Variants in ADORA1 observed in about 807,000 individuals in gnomAD.
The protein encoded by ADORA1 is adenosine A1 receptor.
A neutral mutation model predicts 19.9 loss-of-function variants in ADORA1; 6 were observed. The observed-to-expected ratio is 0.30, with a 90% CI of 0.17 to 0.59. The LOEUF is 0.59. Ranked by LOEUF, ADORA1 falls within the 20% of genes least tolerant of loss-of-function variation. ADORA1 has a pLI of 0.87. For synonymous variants in ADORA1, 194 were observed against 188.4 expected (o/e 1.03, Z -0.24); for missense variants, 302 against 439.2 (o/e 0.69, Z 2.79).
intron 3 of ADORA1, among the ~76,000 whole-genome samples, chr1:203,157,933 C>T (rs945880494): frequency 1.3e-5 from 2 of 152,242 alleles, no homozygotes; most frequent in Admixed American, 1.3e-4. Context: ...AGGTCCTCAG[C>T]TGCCTTGAAG....
intron 3 of ADORA1, among the ~76,000 whole-genome samples, chr1:203,163,694 G>A (rs1035278040): frequency 3.3e-5 from 5 of 152,128 alleles, no homozygotes; most frequent in Non-Finnish European, 7.4e-5. Context: ...GGGGCATCTG[G>A]TTCCTCCCAC....
chr1:203,164,801 A>G (rs775809957), intron 3 of ADORA1, among the ~76,000 whole-genome samples: 2 of 152,196 alleles, frequency 1.3e-5, no homozygotes, highest in Non-Finnish European at 2.9e-5. Flanking sequence ...GCCACCTTCC[A>G]TGTGGCCTTG....
rs376266432 is a variant in ADORA1 at position 203,150,968 on chromosome 1, A to G, written c.342-14293A>G. 1.1e-3 allele frequency among the ~76,000 whole-genome samples: 169 copies of G among 152,264 alleles called. 1 individual carries two copies. The highest frequency in any genetic ancestry group is 3.7e-3 in the African/African-American group (153 of 41,544). ...AAGAGGCACCTCCTCTTGTCACTCC[A>G]GACTGTCAGCAGGCATCCAACCTGC... On this transcript the variant is annotated intron_variant, in intron 3 of 3. Transcript: ENST00000337894.
At chr1:203,140,092 C>A (rs757604297) in intron 3 of ADORA1, among the ~76,000 whole-genome samples, 7 of 152,178 alleles carry the variant, frequency 4.6e-5, no homozygotes, top group Non-Finnish European at 1.5e-5. Context: ...CGAAAGGGTT[C>A]ATTCCATCTA....
intron 3 of ADORA1, among the ~76,000 whole-genome samples, chr1:203,151,868 C>T (rs1028212052): frequency 2.0e-5 from 3 of 152,160 alleles, no homozygotes; most frequent in African/African-American, 7.2e-5. Context: ...ATCTTGCCCC[C>T]CATCTTCCTC....
intron 3 of ADORA1, among the ~76,000 whole-genome samples, chr1:203,130,185 A>T (rs1654287319): frequency 6.6e-6 from 1 of 152,224 alleles, no homozygotes; most frequent in Non-Finnish European, 1.5e-5. Context: ...TCTGGGATGT[A>T]GGGCCTCTGA....
At position 203,155,071 on chromosome 1, in the gene ADORA1, G is replaced by A. The variant is rs530169603; in HGVS notation, c.342-10190G>A. Among the ~76,000 whole-genome samples the A allele has an allele frequency of 3.8e-4, 56 of 148,312 alleles. No individual in the cohort carries two copies. The East Asian group carries it at 7.4e-3, about 20-fold the overall frequency. On this transcript the variant is annotated intron_variant, in intron 3 of 3. Transcript: ENST00000337894. ...ATTATTATTATTGTTATTTTGAGAC[G>A]GAGTCTCGCTCTGTCACCCAGGCTG...
At chr1:203,152,329 C>T (rs1454565072) in intron 3 of ADORA1, among the ~76,000 whole-genome samples, 1 of 152,238 alleles carries the variant, frequency 6.6e-6, no homozygotes, top group Non-Finnish European at 1.5e-5. Context: ...CTGGCTCCCT[C>T]CTGCCTGGGC....
Position 203,128,206 on chromosome 1 carries a change from C to A in ADORA1, c.-212-72C>A. The A allele has an allele frequency of 1.4e-6, 1 of 703,978 alleles. No individual in the cohort carries two copies. The highest frequency in any genetic ancestry group is 2.0e-6 in the Non-Finnish European group (1 of 496,826). 43.6% of individuals were successfully genotyped at this position (703,978 alleles called of 1,614,324 possible). On this transcript the variant is annotated intron_variant, in intron 1 of 3. Coordinates refer to ENST00000337894, the MANE Select transcript of ADORA1 (RefSeq NM_000674.3). This position sits in a 1 kb window ranked among gnomAD's most constrained non-coding sequence, Gnocchi z 5.9. Reference sequence around the variant, plus strand: ...ACGTCTGCCACCCCAGTCCCAGGTGCGAAACAGGGGCGCTACCTCTTTAAA... The same window carrying A: ...ACGTCTGCCACCCCAGTCCCAGGTGAGAAACAGGGGCGCTACCTCTTTAAA...
chr1:203,154,104 T>G (rs1655120193), intron 3 of ADORA1, among the ~76,000 whole-genome samples: 1 of 152,010 alleles, frequency 6.6e-6, no homozygotes, highest in South Asian at 2.1e-4. Flanking sequence ...GAGGAGCAGG[T>G]GATGAGAAAC....
rs1236554310 is a variant in ADORA1 at position 203,165,471 on chromosome 1, C to T, written c.552C>T (p.Asn184=). The T allele has an allele frequency of 1.2e-6, 2 of 1,613,500 alleles. No individual in the cohort carries two copies. The highest frequency in any genetic ancestry group is 1.7e-5 in the Admixed American group (1 of 59,946). The change falls in exon 4 of 4, where the codon AAC becomes AAT. Residue 184 remains asparagine (N), a synonymous_variant. Coordinates refer to ENST00000337894, the MANE Select transcript of ADORA1 (RefSeq NM_000674.3). This position sits in a 1 kb window ranked among gnomAD's most constrained non-coding sequence, Gnocchi z 5.9. ...GCATGGAGTACATGGTCTACTTCAA[C>T]TTCTTTGTGTGGGTGCTGCCCCCGC... The part of the protein sequence containing the change: ...VISMEYMVYF[N]FFVWVLPPLL...
chr1:203,143,559 T>TGTGTG (rs34636136), intron 3 of ADORA1, among the ~76,000 whole-genome samples: 21 of 151,024 alleles, frequency 1.4e-4, no homozygotes, highest in South Asian at 6.5e-4. Context: ...GTGTGTGTGT[T>TGTGTG]TGTGTGTGCA....
chr1:203,160,036 T>C (rs1266075108), intron 3 of ADORA1, among the ~76,000 whole-genome samples: 1 of 152,228 alleles, frequency 6.6e-6, no homozygotes, highest in Non-Finnish European at 1.5e-5. Context: ...TTTCTCCTGC[T>C]CCAAGCTTCC....
intron 3 of ADORA1, among the ~76,000 whole-genome samples, chr1:203,157,986 G>A (rs1185610906): frequency 6.6e-6 from 1 of 152,338 alleles, no homozygotes; most frequent in East Asian, 1.9e-4. Context: ...TCATCCTGAT[G>A]AATAGAACCT....
chr1:203,151,732 G>A (rs1655041113), intron 3 of ADORA1, among the ~76,000 whole-genome samples: 2 of 152,142 alleles, frequency 1.3e-5, no homozygotes, highest in Non-Finnish European at 2.9e-5. Flanking sequence ...AGCTGTTAAT[G>A]GTGGAGTCAC....
intron 3 of ADORA1, among the ~76,000 whole-genome samples, chr1:203,135,317 A>G (rs1351634361): frequency 2.6e-5 from 4 of 152,196 alleles, no homozygotes; most frequent in Non-Finnish European, 4.4e-5. Context: ...GTTATGAAAA[A>G]TGCTTTACTG....
At chr1:203,148,606 G>A (rs1654934411) in intron 3 of ADORA1, among the ~76,000 whole-genome samples, 1 of 152,216 alleles carries the variant, frequency 6.6e-6, no homozygotes, top group African/African-American at 2.4e-5. Flanking sequence ...ATTGGAGACA[G>A]TGGGCACCAG....
At chr1:203,146,033 C>G (rs979219746) in intron 3 of ADORA1, among the ~76,000 whole-genome samples, 9 of 152,140 alleles carry the variant, frequency 5.9e-5, no homozygotes, top group African/African-American at 2.2e-4. Context: ...GTCGGATGGG[C>G]ACCTCCCTTC....
At chr1:203,134,882 CATT>C (rs1162128700) in intron 3 of ADORA1, among the ~76,000 whole-genome samples, 1 of 152,174 alleles carries the variant, frequency 6.6e-6, no homozygotes, top group Non-Finnish European at 1.5e-5. Context: ...ATTCACTTAA[CATT>C]ATAAGCATTT....
Sources: allele counts gnomAD v4.1 joint callset (sites outside exome capture counted in the v4.1 genomes callset), GRCh38; gene constraint gnomAD v4.1.1; non-coding constraint Gnocchi (gnomAD v3.1); transcripts MANE v1.5; gene names NCBI Gene and HGNC (gene_info 2026-07-23, HGNC 2026-07-21).